Variants in RBAK observed in about 807,000 individuals in gnomAD.
The protein encoded by RBAK is RB-associated KRAB zinc finger protein.
In RBAK, 39 loss-of-function variants were observed where a neutral mutation model predicts 65.8. The ratio of observed to expected loss-of-function variants is 0.59; its 90% confidence interval spans 0.46 to 0.77. The LOEUF is 0.77. Ranked by LOEUF, RBAK falls within the 30% of genes least tolerant of loss-of-function variation. The probability of loss-of-function intolerance (pLI) is 0.00; values close to 1 mark genes in which losing one functional copy is unlikely to be tolerated. For missense variants in RBAK, 884 were observed against 855.1 expected, an observed-to-expected ratio of 1.03 and a Z score of -0.42; for synonymous variants, 343 against 289.7, an observed-to-expected ratio of 1.18 and a Z score of -1.87.
chr7:5,062,420 A>G lies in RBAK; in HGVS notation c.239-1275A>G, dbSNP rs1420466527. Among the ~76,000 whole-genome samples, 5 of 152,134 alleles carry G rather than the reference A, an allele frequency of 3.3e-5. No individual in the cohort carries two copies. The East Asian group carries it at 9.6e-4, about 29-fold the overall frequency. On this transcript the variant is annotated intron_variant, in intron 4 of 4. Coordinates refer to ENST00000396912, the MANE Select transcript of RBAK (RefSeq NM_021163.4). ...AGCAAGTTTTTATTAGGGACTTTCA[A>G]AAGGGGAGGGAGTGTACAAACAGGT...
chr7:5,062,780 C>T (rs796549690), intron 4 of RBAK, among the ~76,000 whole-genome samples: 3 of 152,316 alleles, frequency 2.0e-5, no homozygotes, highest in Admixed American at 1.3e-4. Flanking sequence ...TATTCTCTTT[C>T]CCAGGGATGT....
rs1779290530 is a variant in RBAK, at chr7:5,069,101, T to C, written c.*3500T>C. 6.6e-6 allele frequency: 1 copy of C among 152,242 alleles called. No homozygotes were observed. Among genetic ancestry groups the C allele is most frequent in the South Asian group, 2.1e-4 (1 of 4,832 alleles). 9.4% of individuals were successfully genotyped at this position (152,242 alleles called of 1,614,324 possible). A position where few individuals can be genotyped will look rare whatever the true frequency, so the allele number is the denominator to read the frequency against. ...AAGTATTTGAGTGTGTTTTGAGCTG[T>C]GCACTTAAGATATGTGTATTTTTCT... On this transcript the variant is annotated 3_prime_UTR_variant, in exon 5 of 5. Transcript: ENST00000396912.
intron 4 of RBAK, among the ~76,000 whole-genome samples, chr7:5,062,863 C>T (rs1020856933): frequency 2.0e-5 from 3 of 152,184 alleles, no homozygotes; most frequent in African/African-American, 7.2e-5. Flanking sequence ...TGGCTCTGTT[C>T]CACCCGGCTC....
intron 4 of RBAK, among the ~76,000 whole-genome samples, chr7:5,060,444 G>T (rs542857028): frequency 2.0e-5 from 3 of 152,320 alleles, no homozygotes; most frequent in Admixed American, 6.5e-5. Flanking sequence ...TAAGATAAAA[G>T]CTGCATGAAT....
Position 5,065,645 on chromosome 7 carries a change from A to G in RBAK, c.*44A>G, listed in dbSNP as rs756703484. On this transcript the variant is annotated 3_prime_UTR_variant, in exon 5 of 5. Transcript: ENST00000396912. The surrounding 1 kb of genome is among the most constrained non-coding windows in gnomAD (Gnocchi z 5.3). ...AGAAAACTCTCTGAATATAATGAAT[A>G]TGGGGAATCCAATAGGAAGTCAAAG... The G allele has an allele frequency of 1.9e-5, 26 of 1,361,700 alleles. No individual in the cohort carries two copies. Among genetic ancestry groups the G allele is most frequent in the South Asian group, 3.2e-5 (2 of 61,644 alleles). The allele number at this position is 1,361,700 out of a possible 1,614,324, so 84.4% of individuals were successfully genotyped here.
rs1788172592 is a variant in RBAK, at chr7:5,054,115, C to G, written c.16-3180C>G. On this transcript the variant is annotated intron_variant, in intron 2 of 4. Coordinates refer to ENST00000396912, the MANE Select transcript of RBAK (RefSeq NM_021163.4). ...GCCTGATAATCAGTGCCTTGAAAAC[C>G]ATTGCTTCAGCCCGGGCGTGGTGGC... is the stretch of plus-strand genomic sequence containing the variant. Among the ~76,000 whole-genome samples the G allele has an allele frequency of 2.0e-5, 3 of 152,178 alleles. No individual in the cohort carries two copies. In the East Asian group the frequency reaches 5.8e-4, roughly 29 times the overall value.
At position 5,046,481 on chromosome 7, in the gene RBAK, G is replaced by C. The variant is rs1405271177; in HGVS notation, c.-45+85G>C. 3 of 426,840 alleles carry C rather than the reference G, an allele frequency of 7.0e-6. No homozygotes were observed. The Admixed American group carries it at 8.1e-5, about 12-fold the overall frequency. The allele number at this position is 426,840 out of a possible 1,614,324, so 26.4% of individuals were successfully genotyped here. On this transcript the variant is annotated intron_variant, in intron 1 of 4. Transcript: ENST00000396912. Reference sequence around the variant, plus strand: ...GGGGACCTTAGAGTGTGGGGCAGGGGGAGGGTCTCGATCGCTTGCAGGAGA... The same window carrying C: ...GGGGACCTTAGAGTGTGGGGCAGGGCGAGGGTCTCGATCGCTTGCAGGAGA...
rs760043040 is a variant in RBAK, at chr7:5,065,104, G to C, written c.1648G>C (p.Glu550Gln). Residue 550 changes from glutamate (E) to glutamine (Q), a missense_variant, in exon 5 of 5, where the codon GAG becomes CAG. By Grantham distance (29) the Glu-to-Gln change is conservative. Coordinates refer to ENST00000396912, the MANE Select transcript of RBAK (RefSeq NM_021163.4). This position sits in a 1 kb window ranked among gnomAD's most constrained non-coding sequence, Gnocchi z 5.3. The stretch of plus-strand genomic sequence containing the variant: ...TAATGTATGTGGAAAGTTATTCAAT[G>C]AGTTGTCATACTATACTGAACATTA... ...ECNVCGKLFN[E>Q]LSYYTEHYRS... 29 of 1,613,826 alleles carry C rather than the reference G, an allele frequency of 1.8e-5. No homozygotes were observed. Among genetic ancestry groups the C allele is most frequent in the Non-Finnish European group, 2.4e-5 (28 of 1,179,966 alleles).
chr7:5,053,755 T>G (rs1788165560), intron 2 of RBAK, among the ~76,000 whole-genome samples: 1 of 152,246 alleles, frequency 6.6e-6, no homozygotes, highest in Non-Finnish European at 1.5e-5. Context: ...CAGTATAATT[T>G]TCATCTCAGA....
Position 5,066,953 on chromosome 7 carries a change from ACC to A in RBAK, c.*1353_*1354del, listed in dbSNP as rs1413661135. 1 of 152,170 alleles carries A rather than the reference ACC, an allele frequency of 6.6e-6. No individual in the cohort carries two copies. The highest frequency in any genetic ancestry group is 1.9e-4 in the East Asian group (1 of 5,202). The allele number at this position is 152,170 out of a possible 1,614,324, so 9.4% of individuals were successfully genotyped here. A position where few individuals can be genotyped will look rare whatever the true frequency, so the allele number is the denominator to read the frequency against. ...ATTCACAAGTCAGTTGCTATTATAC[ACC>A]ACCTGTAGAAAAGTAATCTGGCATG... On this transcript the variant is annotated 3_prime_UTR_variant, in exon 5 of 5. Coordinates refer to ENST00000396912, the MANE Select transcript of RBAK (RefSeq NM_021163.4).
At chr7:5,046,525 AG>A in intron 1 of RBAK, 129 bp downstream of exon 1, 1 of 361,852 alleles carries the variant, frequency 2.8e-6, no homozygotes, top group Non-Finnish European at 5.4e-6. Context: ...TTTGGGTTTG[AG>A]GGCAGGGTCC....
intron 4 of RBAK, among the ~76,000 whole-genome samples, chr7:5,058,055 T>A (rs1396898578): frequency 7.7e-6 from 1 of 129,106 alleles, no homozygotes; most frequent in Non-Finnish European, 1.6e-5. Context: ...ATTACAGAAT[T>A]GTTTTGGGTT....
intron 2 of RBAK, among the ~76,000 whole-genome samples, chr7:5,049,603 A>G (rs1449378548): frequency 6.6e-6 from 1 of 152,168 alleles, no homozygotes. Context: ...GACATCTGTT[A>G]CTTCCAAACT....
intron 4 of RBAK, among the ~76,000 whole-genome samples, chr7:5,061,008 T>G (rs1583460333): frequency 1.3e-5 from 2 of 152,190 alleles, no homozygotes; most frequent in East Asian, 1.9e-4. Flanking sequence ...ACCCAGGAGT[T>G]TGGGAACTCT....
rs1043979472 is a variant in RBAK at position 5,060,352 on chromosome 7, T to C, written c.238+2573T>C. Reference sequence around the variant, plus strand: ...TTAGAACCTGTAAGCACCCATCAGATTAGGAACTACTTTAATTTCTATTCA... The same window carrying C: ...TTAGAACCTGTAAGCACCCATCAGACTAGGAACTACTTTAATTTCTATTCA... On this transcript the variant is annotated intron_variant, in intron 4 of 4. Coordinates refer to ENST00000396912, the MANE Select transcript of RBAK (RefSeq NM_021163.4). Among the ~76,000 whole-genome samples the C allele has an allele frequency of 2.6e-5, 4 of 152,296 alleles. 1 individual carries two copies. The South Asian group carries it at 6.2e-4, about 24-fold the overall frequency.
Position 5,066,609 on chromosome 7 carries a change from G to C in RBAK, c.*1008G>C, listed in dbSNP as rs1199191073. On this transcript the variant is annotated 3_prime_UTR_variant, in exon 5 of 5. Coordinates refer to ENST00000396912, the MANE Select transcript of RBAK (RefSeq NM_021163.4). Reference sequence around the variant, plus strand: ...TGTTTGGTACAAATACAGTGTCATTGTTTTGTGCATTCTCCTTTTTCCCAG... The same window carrying C: ...TGTTTGGTACAAATACAGTGTCATTCTTTTGTGCATTCTCCTTTTTCCCAG... 6.6e-6 allele frequency: 1 copy of C among 152,098 alleles called. No individual in the cohort carries two copies. The highest frequency in any genetic ancestry group is 2.4e-5 in the African/African-American group (1 of 41,424). 9.4% of individuals were successfully genotyped at this position (152,098 alleles called of 1,614,324 possible).
rs1044050080 is a variant in RBAK, at chr7:5,067,224, G to A, written c.*1623G>A. 2.6e-5 allele frequency: 4 copies of A among 152,070 alleles called. No homozygotes were observed. Among genetic ancestry groups the A allele is most frequent in the Non-Finnish European group, 5.9e-5 (4 of 67,998 alleles). 9.4% of individuals were successfully genotyped at this position (152,070 alleles called of 1,614,324 possible). ...CTAATGCAAGGAAGAGAAACAAAAG[G>A]CATAGAGATTAGAAAAGAAGTAAAA... On this transcript the variant is annotated 3_prime_UTR_variant, in exon 5 of 5. Transcript: ENST00000396912.
rs201713068 is a variant in RBAK, at chr7:5,065,144, A to G, written c.1688A>G (p.Glu563Gly). The G allele has an allele frequency of 9.3e-6, 15 of 1,613,976 alleles. No homozygotes were observed. The East Asian group carries it at 3.1e-4, about 34-fold the overall frequency. Residue 563 changes from glutamate to glycine, a missense_variant, in exon 5 of 5, where the codon GAA becomes GGA. By Grantham distance (98) the Glu-to-Gly change is moderately conservative. Coordinates refer to ENST00000396912, the MANE Select transcript of RBAK (RefSeq NM_021163.4). This position sits in a 1 kb window ranked among gnomAD's most constrained non-coding sequence, Gnocchi z 5.3. ...ACTGAACATTATAGAAGTCATTCAG[A>G]AGAGAAACCTTATGGATGTAGCGAA... is the stretch of plus-strand genomic sequence containing the variant. The part of the protein sequence containing the change: ...YYTEHYRSHS[E>G]EKPYGCSECG...
intron 4 of RBAK, among the ~76,000 whole-genome samples, chr7:5,060,908 C>T (rs902683815): frequency 6.6e-6 from 1 of 152,132 alleles, no homozygotes; most frequent in African/African-American, 2.4e-5. Context: ...ATAGTTTGTG[C>T]ATCCAAAAAT....
Sources: gnomAD v4.1 joint callset for allele counts (sites outside exome capture counted in the v4.1 genomes callset) on GRCh38, gnomAD v4.1.1 for gene constraint, Gnocchi (gnomAD v3.1) non-coding constraint, MANE v1.5 for transcripts, NCBI Gene and HGNC (gene_info 2026-07-23, HGNC 2026-07-21) for gene names.